The following ZNF763 variants were observed in gnomAD, a reference collection of about 807,000 sequenced individuals.
The protein encoded by ZNF763 is DNA-binding protein.
ZNF763 carries 33 observed loss-of-function variants against 38.0 expected under a neutral mutation model. That is an observed-to-expected ratio of 0.87 (90% CI 0.66 to 1.16). The LOEUF is 1.16. ZNF763 is among the 50% of genes most tolerant of loss of function. The pLI is 0.00. For missense variants in ZNF763, 423 were observed against 469.1 expected (o/e 0.90, Z 0.91); for synonymous variants, 155 against 160.1 (o/e 0.97, Z 0.24).
intron 3 of ZNF763, 78 bp from the exon 4 acceptor site, chr19:11,978,038 T>G: frequency 2.6e-6 from 4 of 1,541,974 alleles, no homozygotes; most frequent in Non-Finnish European, 3.5e-6. Context: ...ATGGACCATG[T>G]TAAAAATGCA....
chr19:11,977,159 C>A lies in ZNF763; in HGVS notation c.125C>A (p.Ser42Tyr), dbSNP rs746140297. The part of the protein sequence containing the change: ...VMLETFRNLT[S>Y]IGKKWKDQNI... ...CTGGAAACTTTCAGGAACCTGACCT[C>A]TATAGGTAAGGATGACAATATTCCT... Residue 42 changes from serine (S) to tyrosine (Y), a missense_variant, in exon 2 of 4, where the codon TCT becomes TAT. By Grantham distance (144) the Ser-to-Tyr change is moderately radical (BLOSUM62 -2). Coordinates refer to ENST00000358987, the MANE Select transcript of ZNF763 (RefSeq NM_001367172.2). 10 of 1,614,054 alleles carry A rather than the reference C, an allele frequency of 6.2e-6. No homozygotes were observed. Among genetic ancestry groups the A allele is most frequent in the Middle Eastern group, 1.6e-4 (1 of 6,062 alleles).
intron 1 of ZNF763, among the ~76,000 whole-genome samples, chr19:11,970,029 C>T (rs1397662880): frequency 6.6e-6 from 1 of 152,196 alleles, no homozygotes; most frequent in Non-Finnish European, 1.5e-5. Context: ...GGAGTGGGAC[C>T]TCCCGAGGGA....
chr19:11,979,402 T>C lies in ZNF763; in HGVS notation c.*293T>C, dbSNP rs1973573414. The C allele has an allele frequency of 2.5e-6, 4 of 1,609,280 alleles. No homozygotes were observed. The East Asian group carries it at 9.0e-5, about 36-fold the overall frequency. On this transcript the variant is annotated 3_prime_UTR_variant, in exon 4 of 4. Coordinates refer to ENST00000358987, the MANE Select transcript of ZNF763 (RefSeq NM_001367172.2). Reference sequence around the variant, plus strand: ...AAGCCTTCAGATCTGCCTCACACCTTCAAATTCATGAAAGGACACAAACAC... The same window carrying C: ...AAGCCTTCAGATCTGCCTCACACCTCCAAATTCATGAAAGGACACAAACAC...
In ZNF763 at chr19:11,977,076, C is replaced by T. The variant is rs1973509352; in HGVS notation, c.42C>T (p.Thr14=). ...VACEDVAVNF[T]QEEWALLDIS... ...GTGAGGATGTTGCTGTGAACTTCAC[C>T]CAGGAGGAGTGGGCTTTGCTGGATA... Residue 14 remains threonine (T), a synonymous_variant, in exon 2 of 4, where the codon ACC becomes ACT. Transcript: ENST00000358987. The T allele has an allele frequency of 1.2e-6, 2 of 1,613,968 alleles. No homozygotes were observed. Among genetic ancestry groups the T allele is most frequent in the Non-Finnish European group, 1.7e-6 (2 of 1,180,026 alleles).
intron 1 of ZNF763, among the ~76,000 whole-genome samples, chr19:11,976,212 T>A (rs937534687): frequency 6.6e-6 from 1 of 151,168 alleles, no homozygotes. Flanking sequence ...TCAGGACTGC[T>A]AATGTTAACT....
chr19:11,980,122 T>C lies in ZNF763; in HGVS notation c.*1013T>C. On this transcript the variant is annotated 3_prime_UTR_variant, in exon 4 of 4. Transcript: ENST00000358987. The stretch of plus-strand genomic sequence containing the variant: ...CTACCTCACACCTTCGAAAACATGG[T>C]AGGACTCACACTGGATAGAAACCAA... 4.7e-6 allele frequency: 4 copies of C among 851,720 alleles called. No individual in the cohort carries two copies. The highest frequency in any genetic ancestry group is 7.4e-6 in the Non-Finnish European group (4 of 541,670). The allele number at this position is 851,720 out of a possible 1,614,324, so 52.8% of individuals were successfully genotyped here.
chr19:11,975,393 T>A (rs900907073), intron 1 of ZNF763, among the ~76,000 whole-genome samples: 33 of 147,194 alleles, frequency 2.2e-4, no homozygotes, highest in Non-Finnish European at 4.4e-4. Context: ...TTGATTTTTT[T>A]TTTTATTTTA....
chr19:11,971,832 T>C lies in ZNF763; in HGVS notation c.4-5206T>C, dbSNP rs868251320. On this transcript the variant is annotated intron_variant, in intron 1 of 3. Coordinates refer to ENST00000358987, the MANE Select transcript of ZNF763 (RefSeq NM_001367172.2). ...TAATCCCAACACTTTGGGAGGCCAA[T>C]GTGGATGGATAGCCTCAGTTCAGGA... is the stretch of plus-strand genomic sequence containing the variant. Among the ~76,000 whole-genome samples, 7 of 152,066 alleles carry C rather than the reference T, an allele frequency of 4.6e-5. No individual in the cohort carries two copies. The South Asian group carries it at 6.2e-4, about 14-fold the overall frequency.
At chr19:11,965,237 G>C (rs752558513) in intron 1 of ZNF763, 26 bp downstream of exon 1, 1 of 1,613,890 alleles carries the variant, frequency 6.2e-7, no homozygotes, top group South Asian at 1.1e-5. Flanking sequence ...CGGTTGTCCC[G>C]AGACGGGGTA....
chr19:11,974,159 C>CT (rs1973431106), intron 1 of ZNF763, among the ~76,000 whole-genome samples: 9 of 75,822 alleles, frequency 1.2e-4, no homozygotes, highest in African/African-American at 3.2e-4. Context: ...TCTTTCTTTC[C>CT]TTCCTTCCTT....
In ZNF763 at chr19:11,965,175, TAG is replaced by T. The variant is rs751117579; in HGVS notation, c.-29_-28del. 3.7e-6 allele frequency: 6 copies of T among 1,613,772 alleles called. No individual in the cohort carries two copies. In the Admixed American group the frequency reaches 1.0e-4, roughly 27 times the overall value. On this transcript the variant is annotated 5_prime_UTR_variant, in exon 1 of 4. Transcript: ENST00000358987. ...TGCCCTTCTGTAGTCACAGGAGCTG[TAG>T]AGAGGACCCCAGGACATCTGAAAGC...
At chr19:11,973,697 T>C (rs1973396736) in intron 1 of ZNF763, among the ~76,000 whole-genome samples, 1 of 152,016 alleles carries the variant, frequency 6.6e-6, no homozygotes. Flanking sequence ...GCCTGGTAGA[T>C]ACAGTGTGAG....
chr19:11,976,817 A>G (rs1248816664), intron 1 of ZNF763: 1 of 1,334,040 alleles, frequency 7.5e-7, no homozygotes, highest in East Asian at 2.9e-5. Flanking sequence ...TCGCATCATT[A>G]TACTCCAGCC....
At chr19:11,974,523 C>T (rs1001871898) in intron 1 of ZNF763, among the ~76,000 whole-genome samples, 41 of 146,688 alleles carry the variant, frequency 2.8e-4, no homozygotes, top group Non-Finnish European at 3.7e-4. Flanking sequence ...TAATAACATG[C>T]AATGTTGAGC....
chr19:11,974,838 AGT>A (rs143329279), intron 1 of ZNF763, among the ~76,000 whole-genome samples: 1,802 of 152,282 alleles, frequency 0.012, 16 homozygotes, highest in Non-Finnish European at 0.017. Flanking sequence ...GCTGACCTCA[AGT>A]GATACGCCTG....
Position 11,977,132 on chromosome 19 carries a change from T to C in ZNF763, c.98T>C (p.Met33Thr). 6.2e-7 allele frequency: 1 copy of C among 1,614,182 alleles called. No individual in the cohort carries two copies. The highest frequency in any genetic ancestry group is 8.5e-7 in the Non-Finnish European group (1 of 1,180,024). Residue 33 changes from methionine to threonine, a missense_variant, in exon 2 of 4, where the codon ATG becomes ACG. Transcript: ENST00000358987. ...CAGAGGAAACTCTACAGGGAAGTGATGCTGGAAACTTTCAGGAACCTGACC... is the reference window on the plus strand; with the variant it reads ...CAGAGGAAACTCTACAGGGAAGTGACGCTGGAAACTTTCAGGAACCTGACC... ...ISQRKLYREV[M>T]LETFRNLTSI...
chr19:11,972,608 A>G (rs537112768), intron 1 of ZNF763, among the ~76,000 whole-genome samples: 2 of 152,322 alleles, frequency 1.3e-5, no homozygotes, highest in African/African-American at 4.8e-5. Flanking sequence ...TATGCAAATG[A>G]TAACCAATGT....
At chr19:11,974,069 T>TTTTCTTTCTTTCTTTCTTTCTTTC in intron 1 of ZNF763, among the ~76,000 whole-genome samples, 1 of 114,854 alleles carries the variant, frequency 8.7e-6, no homozygotes, top group Admixed American at 9.6e-5. Context: ...TCCTTCTTTC[T>TTTTCTTTCTTTCTTTCTTTCTTTC]TTTCTTTCTT....
At chr19:11,967,662 C>G (rs1325396134) in intron 1 of ZNF763, among the ~76,000 whole-genome samples, 1 of 152,170 alleles carries the variant, frequency 6.6e-6, no homozygotes, top group Non-Finnish European at 1.5e-5. Flanking sequence ...CTCGGCCTCC[C>G]AAAGTGCTGG....
Sources: allele counts gnomAD v4.1 joint callset (sites outside exome capture counted in the v4.1 genomes callset), GRCh38; gene constraint gnomAD v4.1.1; transcripts MANE v1.5; gene names NCBI Gene and HGNC (gene_info 2026-07-23, HGNC 2026-07-21).